SYT1: variants seen among roughly 807,000 people sequenced by gnomAD.
The protein encoded by SYT1 is synaptotagmin-1.
Under a neutral mutation model 44.8 loss-of-function variants are expected in SYT1, and 8 were observed. The ratio of observed to expected loss-of-function variants is 0.18; its 90% CI spans 0.10 to 0.32. SYT1 has a LOEUF of 0.32. Ranked by LOEUF, SYT1 falls within the 10% of genes least tolerant of loss-of-function variation. The probability of loss-of-function intolerance (pLI) is 1.00; values close to 1 mark genes in which losing one functional copy is unlikely to be tolerated. For missense variants in SYT1, 286 were observed against 509.3 expected (o/e 0.56, Z 4.22); for synonymous variants, 154 against 188.8 (o/e 0.82, Z 1.51).
intron 4 of SYT1, among the ~76,000 whole-genome samples, chr12:79,264,781 T>A (rs894078778): frequency 6.6e-6 from 1 of 152,222 alleles, no homozygotes; most frequent in African/African-American, 2.4e-5. Flanking sequence ...ATTATTTGAA[T>A]AAGATAAACA....
At chr12:79,100,206 G>A (rs1456978627) in intron 3 of SYT1, among the ~76,000 whole-genome samples, 1 of 152,070 alleles carries the variant, frequency 6.6e-6, no homozygotes, top group Non-Finnish European at 1.5e-5. Flanking sequence ...ACTGTACGAA[G>A]TATTATGTTT....
intron 8 of SYT1, among the ~76,000 whole-genome samples, chr12:79,326,658 C>T (rs981957200): frequency 6.6e-6 from 1 of 152,148 alleles, no homozygotes; most frequent in Non-Finnish European, 1.5e-5. Context: ...GTCTTTCAAC[C>T]CACAGATTTT....
Position 79,432,637 on chromosome 12 carries a change from G to A in SYT1, c.929-11436G>A, listed in dbSNP as rs541680741. ...AGTTTCTTTTCTTTTTTTTCCAGAG[G>A]GAGTCTTGTTCTGTCACCCAGGCTG... On this transcript the variant is annotated intron_variant, in intron 9 of 10. Coordinates refer to ENST00000261205, the MANE Select transcript of SYT1 (RefSeq NM_005639.3). Among the ~76,000 whole-genome samples, 8 of 152,010 alleles carry A rather than the reference G, an allele frequency of 5.3e-5. No homozygotes were observed. In the South Asian group the frequency reaches 1.2e-3, roughly 24 times the overall value.
At chr12:79,221,536 T>A (rs543729963) in intron 4 of SYT1, among the ~76,000 whole-genome samples, 1 of 152,300 alleles carries the variant, frequency 6.6e-6, no homozygotes, top group East Asian at 1.9e-4. Context: ...TAGTGGTATG[T>A]CTGATTCCTT....
chr12:78,948,005 T>C (rs1878762061), intron 1 of SYT1, among the ~76,000 whole-genome samples: 1 of 151,786 alleles, frequency 6.6e-6, no homozygotes, highest in Admixed American at 6.6e-5. Flanking sequence ...GAAAGAAAAA[T>C]AGATATATTG....
intron 3 of SYT1, among the ~76,000 whole-genome samples, chr12:79,198,540 A>C (rs1173935552): frequency 6.6e-6 from 1 of 151,450 alleles, no homozygotes; most frequent in African/African-American, 2.4e-5. Context: ...TATTGATATA[A>C]GTGGTTTCTT....
intron 8 of SYT1, among the ~76,000 whole-genome samples, chr12:79,301,127 C>T (rs1466006709): frequency 1.3e-5 from 2 of 151,850 alleles, no homozygotes; most frequent in Non-Finnish European, 2.9e-5. Context: ...AAAGTAGGAC[C>T]ATAAGAAATG....
chr12:79,206,163 T>C (rs1592851984), intron 3 of SYT1, among the ~76,000 whole-genome samples: 2 of 152,288 alleles, frequency 1.3e-5, no homozygotes, highest in East Asian at 3.9e-4. Flanking sequence ...AAAAGCAAAA[T>C]AAATTGGTTA....
At chr12:78,909,042 C>T (rs911112476) in intron 1 of SYT1, among the ~76,000 whole-genome samples, 6 of 151,814 alleles carry the variant, frequency 4.0e-5, no homozygotes, top group African/African-American at 1.4e-4. Flanking sequence ...CTGTATTGCT[C>T]CTCCCTGTGG....
chr12:79,187,765 G>A (rs1872887222), intron 3 of SYT1, among the ~76,000 whole-genome samples: 1 of 152,020 alleles, frequency 6.6e-6, no homozygotes, highest in Admixed American at 6.6e-5. Context: ...ATTTGGTAGT[G>A]AACAAAAGGG....
intron 4 of SYT1, among the ~76,000 whole-genome samples, chr12:79,249,509 A>T (rs1266847020): frequency 6.6e-6 from 1 of 152,180 alleles, no homozygotes; most frequent in Non-Finnish European, 1.5e-5. Context: ...ACACAACTCT[A>T]TGGAAGGACT....
intron 3 of SYT1, among the ~76,000 whole-genome samples, chr12:79,057,778 T>C (rs1875074968): frequency 6.6e-6 from 1 of 151,924 alleles, no homozygotes; most frequent in South Asian, 2.1e-4. Flanking sequence ...GTAAAACCCC[T>C]TCCTCATCCC....
chr12:79,326,176 G>C (rs1003892341), intron 8 of SYT1, among the ~76,000 whole-genome samples: 10 of 152,098 alleles, frequency 6.6e-5, no homozygotes, highest in African/African-American at 2.4e-4. Context: ...AATATCTAGT[G>C]ATCAAGAAAA....
intron 3 of SYT1, among the ~76,000 whole-genome samples, chr12:79,166,493 G>T (rs540265082): frequency 6.6e-6 from 1 of 151,966 alleles, no homozygotes; most frequent in Non-Finnish European, 1.5e-5. Flanking sequence ...TTCTGAAGAA[G>T]AATATTTTAG....
chr12:78,873,317 A>G (rs887805974), intron 1 of SYT1, among the ~76,000 whole-genome samples: 2 of 151,746 alleles, frequency 1.3e-5, no homozygotes, highest in African/African-American at 4.8e-5. Flanking sequence ...CTTATCTAAC[A>G]TCATTATTGA....
intron 3 of SYT1, among the ~76,000 whole-genome samples, chr12:79,078,168 TACTG>T (rs901307043): frequency 3.9e-5 from 6 of 152,162 alleles, no homozygotes; most frequent in Non-Finnish European, 7.3e-5. Flanking sequence ...TAATTTATCC[TACTG>T]ACTATCACTT....
intron 3 of SYT1, among the ~76,000 whole-genome samples, chr12:79,130,226 T>A (rs771439298): frequency 1.3e-5 from 2 of 152,236 alleles, no homozygotes; most frequent in Non-Finnish European, 2.9e-5. Flanking sequence ...TGTATTCATA[T>A]GAGACACTTT....
At chr12:79,189,858 C>T (rs569398768) in intron 3 of SYT1, among the ~76,000 whole-genome samples, 113 of 152,246 alleles carry the variant, frequency 7.4e-4, no homozygotes, top group African/African-American at 2.6e-3. Flanking sequence ...GAGCTGAGAT[C>T]GTGCCACTGC....
At chr12:79,229,099 G>A (rs116675182) in intron 4 of SYT1, among the ~76,000 whole-genome samples, 2,578 of 152,266 alleles carry the variant, frequency 0.017, 70 homozygotes, top group African/African-American at 0.057. Flanking sequence ...CATCTTGAAA[G>A]TGTCTGACAC....
Sources: allele counts gnomAD v4.1 joint callset (sites outside exome capture counted in the v4.1 genomes callset), GRCh38; gene constraint gnomAD v4.1.1; transcripts MANE v1.5; gene names NCBI Gene and HGNC (gene_info 2026-07-23, HGNC 2026-07-21).